Variants in LRRC8B observed in about 807,000 individuals in gnomAD.
LRRC8B encodes the protein leucine rich repeat containing 8 VRAC subunit B.
LRRC8B carries 23 observed loss-of-function variants against 58.8 expected under a neutral mutation model. That is an observed-to-expected ratio of 0.39 (90% CI 0.28 to 0.55). The LOEUF is 0.55. LRRC8B is among the 20% of genes least tolerant of loss of function. The pLI is 0.62. For missense variants in LRRC8B, 694 were observed against 936.0 expected, an observed-to-expected ratio of 0.74 and a Z score of 3.37; for synonymous variants, 359 against 374.1, an observed-to-expected ratio of 0.96 and a Z score of 0.47.
intron 1 of LRRC8B, among the ~76,000 whole-genome samples, chr1:89,564,100 A>G (rs1006932553): frequency 6.6e-6 from 1 of 152,248 alleles, no homozygotes; most frequent in Admixed American, 6.5e-5. Flanking sequence ...CATGTAAAAC[A>G]CTGTTATTTA....
intron 4 of LRRC8B, among the ~76,000 whole-genome samples, chr1:89,581,255 C>T (rs145496827): frequency 9.7e-4 from 133 of 136,466 alleles, no homozygotes; most frequent in African/African-American, 3.5e-3. Context: ...GCTGAGATCA[C>T]GCCACTAGAC....
intron 1 of LRRC8B, among the ~76,000 whole-genome samples, chr1:89,552,955 G>A (rs1651930327): frequency 6.6e-6 from 1 of 152,150 alleles, no homozygotes; most frequent in African/African-American, 2.4e-5. Context: ...TTCCAATTGT[G>A]TTCTTTCATT....
At chr1:89,560,004 TCA>T (rs1186860227) in intron 1 of LRRC8B, among the ~76,000 whole-genome samples, 1 of 152,182 alleles carries the variant, frequency 6.6e-6, no homozygotes, top group Non-Finnish European at 1.5e-5. Flanking sequence ...CTAGCTCCAA[TCA>T]CAGTTAATAA....
At chr1:89,533,082 A>C (rs950078504) in intron 1 of LRRC8B, among the ~76,000 whole-genome samples, 2 of 152,180 alleles carry the variant, frequency 1.3e-5, no homozygotes, top group Non-Finnish European at 1.5e-5. Flanking sequence ...GAACACTGCC[A>C]GTTATCTTCT....
intron 1 of LRRC8B, among the ~76,000 whole-genome samples, chr1:89,539,568 A>G (rs969800244): frequency 4.6e-5 from 7 of 152,204 alleles, no homozygotes; most frequent in African/African-American, 1.4e-4. Flanking sequence ...GTGAAGAAAG[A>G]CTAATGGGAG....
rs1280928707 is a variant in LRRC8B at position 89,592,984 on chromosome 1, C to T, written c.2353C>T (p.Leu785Phe). ...CTGTCTGATTGTTGAGGAGAACTTG[C>T]TCAATACTCTTCCTCTCCCTGTAAC... ...RNCLIVEENL[L>F]NTLPLPVTER... The change falls in exon 6 of 6, where the codon CTC (leucine) becomes TTC (phenylalanine). Residue 785 changes from leucine (L) to phenylalanine (F), a missense_variant. Physicochemically the swap from Leu to Phe is conservative, Grantham distance 22 (BLOSUM62 0). This residue lies in a region of LRRC8B where 139 missense variants were observed against 158.2 expected (regional missense o/e 0.88). Transcript: ENST00000330947. 6.2e-7 allele frequency: 1 copy of T among 1,614,078 alleles called. No homozygotes were observed. The highest frequency in any genetic ancestry group is 8.5e-7 in the Non-Finnish European group (1 of 1,179,930).
intron 1 of LRRC8B, among the ~76,000 whole-genome samples, chr1:89,562,167 A>ACACACACACACACACG (rs1652716939): frequency 6.6e-6 from 1 of 151,696 alleles, no homozygotes; most frequent in Non-Finnish European, 1.5e-5. Context: ...ACACACACAC[A>ACACACACACACACACG]CACACACACA....
In LRRC8B at chr1:89,583,426, T is replaced by G. The variant is rs773229259; in HGVS notation, c.776T>G (p.Leu259Arg). 1 of 1,614,164 alleles carries G rather than the reference T, an allele frequency of 6.2e-7. No homozygotes were observed. The highest frequency in any genetic ancestry group is 8.5e-7 in the Non-Finnish European group (1 of 1,180,036). Residue 259 changes from leucine to arginine, a missense_variant, in exon 5 of 6, where the codon CTG (leucine) becomes CGG (arginine). This residue lies in a region of LRRC8B where 316 missense variants were observed against 403.8 expected (regional missense o/e 0.78). Transcript: ENST00000330947. The surrounding 1 kb of genome is among the most constrained non-coding windows in gnomAD (Gnocchi z 5.2). ...AAGGACATCATTTATAGAGTATATCTGAAACAGATAATAGTCAAAGTCATT... is the reference window on the plus strand; with the variant it reads ...AAGGACATCATTTATAGAGTATATCGGAAACAGATAATAGTCAAAGTCATT... The part of the protein sequence containing the change: ...EQKDIIYRVY[L>R]KQIIVKVILF...
At chr1:89,553,533 T>C (rs1319103308) in intron 1 of LRRC8B, among the ~76,000 whole-genome samples, 8 of 152,186 alleles carry the variant, frequency 5.3e-5, no homozygotes, top group Admixed American at 3.9e-4. Flanking sequence ...CTAAAAGTGG[T>C]ATTTTTACCA....
chr1:89,530,215 C>T (rs1339828240), intron 1 of LRRC8B, among the ~76,000 whole-genome samples: 10 of 151,358 alleles, frequency 6.6e-5, no homozygotes, highest in East Asian at 5.8e-4. Flanking sequence ...AAAAATTAGC[C>T]GGGCATAGTG....
chr1:89,552,783 C>G (rs899825109), intron 1 of LRRC8B, among the ~76,000 whole-genome samples: 1 of 152,198 alleles, frequency 6.6e-6, no homozygotes, highest in Admixed American at 6.6e-5. Context: ...GATGAGCCAG[C>G]CTGGCTACAG....
intron 1 of LRRC8B, among the ~76,000 whole-genome samples, chr1:89,557,041 T>C (rs1465860475): frequency 6.6e-6 from 1 of 152,206 alleles, no homozygotes; most frequent in Non-Finnish European, 1.5e-5. Flanking sequence ...TTTGTCTTTT[T>C]CCAAATCCCC....
In LRRC8B at chr1:89,562,150, A is replaced by AACACAC. The variant is rs59568247; in HGVS notation, c.-240-6070_-240-6065dup. ...TTACTGTCTTATAACCACCTCCCAAAACACACACACACACACACACACACA... is the reference window on the plus strand; with the variant it reads ...TTACTGTCTTATAACCACCTCCCAAAACACACACACACACACACACACACACACACA... On this transcript the variant is annotated intron_variant, in intron 1 of 5. Transcript: ENST00000330947. 4.8e-3 allele frequency among the ~76,000 whole-genome samples: 674 copies of AACACAC among 139,600 alleles called. 7 individuals carry two copies. Among genetic ancestry groups the AACACAC allele is most frequent in the African/African-American group, 0.015 (574 of 37,474 alleles). The allele number at this position is 139,600 out of a possible 152,430, so 91.6% of individuals were successfully genotyped here.
chr1:89,525,593 G>C (rs937483349), intron 1 of LRRC8B, among the ~76,000 whole-genome samples: 6 of 152,308 alleles, frequency 3.9e-5, no homozygotes, highest in African/African-American at 1.2e-4. Context: ...GAGAAAGAAA[G>C]GGCAAGCGTT....
At chr1:89,544,519 C>T (rs1651258858) in intron 1 of LRRC8B, among the ~76,000 whole-genome samples, 1 of 152,122 alleles carries the variant, frequency 6.6e-6, no homozygotes, top group South Asian at 2.1e-4. Flanking sequence ...CTATGTTGGC[C>T]TAGATTATTC....
At chr1:89,542,623 T>C (rs1414327300) in intron 1 of LRRC8B, among the ~76,000 whole-genome samples, 1 of 152,248 alleles carries the variant, frequency 6.6e-6, no homozygotes, top group African/African-American at 2.4e-5. Flanking sequence ...ATATTGATGC[T>C]CGTTTTACTA....
intron 4 of LRRC8B, among the ~76,000 whole-genome samples, chr1:89,580,710 A>G (rs1205546198): frequency 6.6e-6 from 1 of 152,202 alleles, no homozygotes; most frequent in African/African-American, 2.4e-5. Flanking sequence ...GAAGCCCTGA[A>G]GAGCTATATA....
At position 89,529,041 on chromosome 1, in the gene LRRC8B, G is replaced by A. The variant is rs150100286; in HGVS notation, c.-241+4019G>A. ...AGACTCAAATCCTTAGAAAAAAGTGGGGAATTTTGGAGGTATCCAAACACC... is the reference window on the plus strand; with the variant it reads ...AGACTCAAATCCTTAGAAAAAAGTGAGGAATTTTGGAGGTATCCAAACACC... On this transcript the variant is annotated intron_variant, in intron 1 of 5. Transcript: ENST00000330947. Among the ~76,000 whole-genome samples the A allele has an allele frequency of 1.8e-3, 279 of 152,208 alleles. 3 individuals carry two copies. The highest frequency in any genetic ancestry group is 6.3e-3 in the African/African-American group (260 of 41,538).
chr1:89,580,810 C>G (rs907006714), intron 4 of LRRC8B, among the ~76,000 whole-genome samples: 12 of 152,040 alleles, frequency 7.9e-5, no homozygotes, highest in Admixed American at 1.3e-4. Flanking sequence ...TGCTCCAGTC[C>G]AGCAGTTAAG....
Sources: allele counts gnomAD v4.1 joint callset (sites outside exome capture counted in the v4.1 genomes callset), GRCh38; gene constraint gnomAD v4.1.1; regional missense constraint gnomAD v4.1.1; non-coding constraint Gnocchi (gnomAD v3.1); transcripts MANE v1.5; gene names NCBI Gene and HGNC (gene_info 2026-07-23, HGNC 2026-07-21).